Variants in ATG7 observed in about 807,000 individuals in gnomAD.
ATG7 encodes autophagy related 7.
ATG7 carries 70 observed loss-of-function variants against 82.4 expected under a neutral mutation model. That is an observed-to-expected ratio of 0.85 (90% CI 0.70 to 1.04). The LOEUF (loss-of-function observed/expected upper bound fraction) is 1.04, where lower values mean the gene tolerates loss of function less well. ATG7 is among the 50% of genes least tolerant of loss of function. The probability of loss-of-function intolerance (pLI) is 0.00; values close to 1 mark genes in which losing one functional copy is unlikely to be tolerated. For missense variants in ATG7, 792 were observed against 864.3 expected (o/e 0.92, Z 1.05); for synonymous variants, 287 against 313.0 (o/e 0.92, Z 0.88).
chr3:11,491,447 C>G (rs1456618250), intron 20 of ATG7, among the ~76,000 whole-genome samples: 3 of 152,166 alleles, frequency 2.0e-5, no homozygotes, highest in African/African-American at 7.2e-5. Context: ...GTAGTTTGAT[C>G]GTCAGAAGCC....
chr3:11,319,009 G>A (rs1326075927), intron 9 of ATG7, among the ~76,000 whole-genome samples: 1 of 152,158 alleles, frequency 6.6e-6, no homozygotes, highest in Non-Finnish European at 1.5e-5. Context: ...CAGCCTGTGA[G>A]CAACTTTAGC....
the ATG7 span, among the ~76,000 whole-genome samples, chr3:11,573,383 G>A: frequency 6.9e-6 from 1 of 145,984 alleles, no homozygotes; most frequent in South Asian, 2.2e-4. Flanking sequence ...AAGAAAGAAA[G>A]AAAGAAAGAA....
chr3:11,543,911 G>T (rs564151491), intron 20 of ATG7, among the ~76,000 whole-genome samples: 321 of 152,244 alleles, frequency 2.1e-3, no homozygotes, highest in African/African-American at 7.1e-3. Flanking sequence ...GTGGGCAGGG[G>T]CAAGGGCTGG....
intron 20 of ATG7, among the ~76,000 whole-genome samples, chr3:11,481,700 T>A (rs1320470733): frequency 6.6e-6 from 1 of 152,228 alleles, no homozygotes; most frequent in Non-Finnish European, 1.5e-5. Flanking sequence ...TTTGTTGAGC[T>A]TGGAGCACAG....
At chr3:11,560,815 C>T (rs1288252370), downstream of ATG7, among the ~76,000 whole-genome samples, 1 of 152,122 alleles carries the variant, frequency 6.6e-6, no homozygotes, top group Admixed American at 6.6e-5. Flanking sequence ...CAGGTGGCAG[C>T]GCAGAGAGAA....
intron 20 of ATG7, among the ~76,000 whole-genome samples, chr3:11,433,781 T>C (rs2083126106): frequency 6.6e-6 from 1 of 152,260 alleles, no homozygotes; most frequent in Admixed American, 6.5e-5. Flanking sequence ...ACCATTAATA[T>C]AATTTGCATT....
intron 20 of ATG7, among the ~76,000 whole-genome samples, chr3:11,516,680 G>A (rs878953212): frequency 1.3e-5 from 2 of 152,212 alleles, no homozygotes; most frequent in Admixed American, 1.3e-4. Context: ...ATGTCCTTCA[G>A]TAGGTGAATG....
chr3:11,439,207 T>A (rs2083652399), intron 20 of ATG7, among the ~76,000 whole-genome samples: 1 of 151,744 alleles, frequency 6.6e-6, no homozygotes, highest in South Asian at 2.1e-4. Flanking sequence ...TAGCAGGGAC[T>A]ACAGGCGCCC....
rs371492021 is a variant in ATG7, at chr3:11,394,921, G to C, written c.1956+14869G>C. Among the ~76,000 whole-genome samples the C allele has an allele frequency of 2.0e-5, 3 of 152,162 alleles. No homozygotes were observed. The East Asian group carries it at 5.8e-4, about 29-fold the overall frequency. On this transcript the variant is annotated intron_variant, in intron 19 of 20. Coordinates refer to ENST00000693202, the MANE Select transcript of ATG7 (RefSeq NM_001349232.2). ...CAAGAAGAGAAGGTACCATAAGTGAGAGTTGGCAGAAGCAAAGACAAAAGA... is the reference window on the plus strand; with the variant it reads ...CAAGAAGAGAAGGTACCATAAGTGACAGTTGGCAGAAGCAAAGACAAAAGA...
chr3:11,417,335 C>T (rs2081456370), intron 19 of ATG7, among the ~76,000 whole-genome samples: 2 of 152,132 alleles, frequency 1.3e-5, no homozygotes, highest in Admixed American at 1.3e-4. Context: ...TAGTTTTTAC[C>T]TCATGTATTT....
At chr3:11,418,270 A>AT (rs551384190) in intron 19 of ATG7, among the ~76,000 whole-genome samples, 74,560 of 141,274 alleles carry the variant, frequency 0.53, 19,827 homozygotes, top group East Asian at 0.68. Flanking sequence ...ATACCTGGCT[A>AT]TTTTTTTTTT....
chr3:11,544,531 G>T (rs1342211466), intron 20 of ATG7, among the ~76,000 whole-genome samples: 1 of 152,210 alleles, frequency 6.6e-6, no homozygotes, highest in Non-Finnish European at 1.5e-5. Context: ...GGGGAATGAG[G>T]GCGTCAGTGG....
At chr3:11,546,965 C>G (rs1306265550) in intron 20 of ATG7, among the ~76,000 whole-genome samples, 1 of 152,242 alleles carries the variant, frequency 6.6e-6, no homozygotes, top group African/African-American at 2.4e-5. Context: ...CTGGGTCATA[C>G]CAAGGTGGGG....
intron 18 of ATG7, among the ~76,000 whole-genome samples, chr3:11,378,426 T>A (rs1228927866): frequency 1.3e-5 from 2 of 150,728 alleles, no homozygotes; most frequent in African/African-American, 4.9e-5. Flanking sequence ...CTCACGCCCG[T>A]AACCCCAGCA....
rs1225351915 is a variant in ATG7 at position 11,409,245 on chromosome 3, T to A, written c.1957-17559T>A. ...TACCATGGTGTGAGAGTAATAGGCA[T>A]TCATTAGAAACATATTTCAAATTGT... On this transcript the variant is annotated intron_variant, in intron 19 of 20. Coordinates refer to ENST00000693202, the MANE Select transcript of ATG7 (RefSeq NM_001349232.2). Among the ~76,000 whole-genome samples the A allele has an allele frequency of 3.3e-5, 5 of 152,240 alleles. No individual in the cohort carries two copies. In the South Asian group the frequency reaches 1.0e-3, roughly 32 times the overall value.
downstream of ATG7, among the ~76,000 whole-genome samples, chr3:11,561,884 C>T (rs1240766266): frequency 2.1e-5 from 3 of 141,510 alleles, no homozygotes; most frequent in South Asian, 4.7e-4. Context: ...AGGCTGGCTG[C>T]GCCAAACTTT....
rs183499949 is a variant in ATG7 at position 11,437,029 on chromosome 3, T to A, written c.2079+10103T>A. Reference sequence around the variant, plus strand: ...TGATTATACTAAAACCATTGAATTCTATACTCTGAATGGATGAATCATATG... The same window carrying A: ...TGATTATACTAAAACCATTGAATTCAATACTCTGAATGGATGAATCATATG... On this transcript the variant is annotated intron_variant, in intron 20 of 20. Coordinates refer to ENST00000693202, the MANE Select transcript of ATG7 (RefSeq NM_001349232.2). 4.6e-4 allele frequency among the ~76,000 whole-genome samples: 70 copies of A among 152,344 alleles called. No homozygotes were observed. The East Asian group carries it at 0.013, about 29-fold the overall frequency.
At chr3:11,308,803 T>C in intron 6 of ATG7, 181 bp from the exon 7 acceptor site, 1 of 629,246 alleles carries the variant, frequency 1.6e-6, no homozygotes, top group Non-Finnish European at 2.8e-6. Context: ...GGAGTGTGGC[T>C]GGGAGAGAGG....
chr3:11,437,808 C>T (rs2083498214), intron 20 of ATG7, among the ~76,000 whole-genome samples: 1 of 152,116 alleles, frequency 6.6e-6, no homozygotes, highest in Non-Finnish European at 1.5e-5. Context: ...ACAGCGGCAC[C>T]TCACCCCTAA....
Sources: gnomAD v4.1 joint callset for allele counts (sites outside exome capture counted in the v4.1 genomes callset) on GRCh38, gnomAD v4.1.1 for gene constraint, MANE v1.5 for transcripts, NCBI Gene and HGNC (gene_info 2026-07-23, HGNC 2026-07-21) for gene names.